PKD1L3: variants seen among roughly 807,000 people sequenced by gnomAD.
The protein encoded by PKD1L3 is polycystin-1-like protein 3.
PKD1L3 carries 239 observed loss-of-function variants against 184.1 expected under a neutral mutation model. The observed-to-expected ratio is 1.30, with a 90% confidence interval of 1.17 to 1.45. The LOEUF (loss-of-function observed/expected upper bound fraction) is 1.45. PKD1L3 is among the 40% of genes most tolerant of loss of function. The probability of loss-of-function intolerance (pLI) is 0.00; values close to 1 mark genes in which losing one functional copy is unlikely to be tolerated. For synonymous variants in PKD1L3, 996 were observed against 778.8 expected (o/e 1.28, Z -4.64); for missense variants, 2,660 against 2,067.2 (o/e 1.29, Z -5.56).
chr16:71,964,685 T>C (rs2039429611), intron 15 of PKD1L3, among the ~76,000 whole-genome samples: 1 of 151,726 alleles, frequency 6.6e-6, no homozygotes, highest in African/African-American at 2.4e-5. Context: ...ACCATCAAAA[T>C]ATCACCCCCA....
At chr16:71,953,332 G>A (rs956777554) in intron 17 of PKD1L3, among the ~76,000 whole-genome samples, 2 of 152,058 alleles carry the variant, frequency 1.3e-5, no homozygotes, top group Non-Finnish European at 2.9e-5. Context: ...AAAAATGAAG[G>A]CACAATGTAT....
chr16:71,932,625 C>G (rs567481180), intron 28 of PKD1L3, among the ~76,000 whole-genome samples: 6 of 152,130 alleles, frequency 3.9e-5, no homozygotes, highest in Admixed American at 3.3e-4. Flanking sequence ...AGGTGTGCAC[C>G]ACCACGCCTG....
chr16:71,950,570 G>A (rs2143359810), intron 19 of PKD1L3, among the ~76,000 whole-genome samples: 1 of 152,124 alleles, frequency 6.6e-6, no homozygotes, highest in East Asian at 1.9e-4. Flanking sequence ...CAGTACATGT[G>A]ACCTATACTA....
intron 15 of PKD1L3, among the ~76,000 whole-genome samples, chr16:71,964,278 A>G (rs1232924240): frequency 8.0e-6 from 1 of 125,744 alleles, no homozygotes; most frequent in Non-Finnish European, 1.6e-5. Flanking sequence ...TGTGTTTGTC[A>G]TGAAACCACT....
intron 26 of PKD1L3, among the ~76,000 whole-genome samples, chr16:71,934,454 T>G (rs993965944): frequency 1.3e-5 from 2 of 152,100 alleles, no homozygotes; most frequent in Non-Finnish European, 2.9e-5. Context: ...GAGCCAAATC[T>G]CTCCTCTCAA....
chr16:71,948,803 T>TAAAAACAAAA (rs2038718261), intron 21 of PKD1L3, among the ~76,000 whole-genome samples: 1 of 81,206 alleles, frequency 1.2e-5, no homozygotes, highest in Non-Finnish European at 2.2e-5. Context: ...TTACATATAG[T>TAAAAACAAAA]AAAAAAAAAA....
At chr16:71,952,506 A>G (rs1453783216) in intron 18 of PKD1L3, among the ~76,000 whole-genome samples, 1 of 143,712 alleles carries the variant, frequency 7.0e-6, no homozygotes, top group Non-Finnish European at 1.5e-5. Context: ...GGCGTGAGCC[A>G]CCGTGCCCAG....
rs1055403846 is a variant in PKD1L3, at chr16:71,977,225, T to A, written c.1759+11A>T. The A allele has an allele frequency of 1.3e-6, 2 of 1,489,614 alleles. No homozygotes were observed. The highest frequency in any genetic ancestry group is 2.8e-5 in the African/African-American group (2 of 71,710). 92.3% of individuals were successfully genotyped at this position (1,489,614 alleles called of 1,614,324 possible). On this transcript the variant is annotated intron_variant, in intron 11 of 29. Coordinates refer to ENST00000620267, the MANE Select transcript of PKD1L3 (RefSeq NM_181536.2). ...ATCAAAGTAAGTTTCTGACAGCTGATTGGGTTTTACCTTTTTGCCACACCT... is the reference window on the plus strand; with the variant it reads ...ATCAAAGTAAGTTTCTGACAGCTGAATGGGTTTTACCTTTTTGCCACACCT...
intron 1 of PKD1L3, 77 bp downstream of exon 1, chr16:71,999,607 G>T (rs896150279): frequency 1.5e-6 from 2 of 1,311,148 alleles, no homozygotes; most frequent in Non-Finnish European, 1.0e-6. Flanking sequence ...GAAAGATTAA[G>T]ATTTTCTTTT....
chr16:71,992,571 A>C (rs373535530), intron 3 of PKD1L3, among the ~76,000 whole-genome samples: 1 of 152,198 alleles, frequency 6.6e-6, no homozygotes, highest in Non-Finnish European at 1.5e-5. Flanking sequence ...TGCTATCACT[A>C]AACATTTTCC....
At chr16:71,949,555 G>A (rs533162147) in intron 21 of PKD1L3, among the ~76,000 whole-genome samples, 3 of 152,090 alleles carry the variant, frequency 2.0e-5, no homozygotes, top group African/African-American at 7.2e-5. Context: ...GTTTCATCAT[G>A]TTGCCCAGGC....
At chr16:71,987,269 G>T (rs1040473820) in intron 4 of PKD1L3, among the ~76,000 whole-genome samples, 3 of 151,358 alleles carry the variant, frequency 2.0e-5, no homozygotes, top group Admixed American at 2.0e-4. Flanking sequence ...CACCCGGGCT[G>T]GAGTACAGTG....
intron 17 of PKD1L3, among the ~76,000 whole-genome samples, chr16:71,953,622 G>C (rs980284930): frequency 2.0e-5 from 3 of 152,134 alleles, no homozygotes; most frequent in Non-Finnish European, 4.4e-5. Context: ...CCGAGACGGG[G>C]TTTTGCTGTC....
In PKD1L3 at chr16:71,933,472, C is replaced by G. The variant is rs1315631850; in HGVS notation, c.4874G>C (p.Ser1625Thr). Residue 1625 changes from serine (S) to threonine (T), a missense_variant, in exon 28 of 30, where the codon AGC (serine) becomes ACC (threonine). Physicochemically the swap from Ser to Thr is moderately conservative, Grantham distance 58. Coordinates refer to ENST00000620267, the MANE Select transcript of PKD1L3 (RefSeq NM_181536.2). ...CSISDYRTFF[S>T]SAVTVVGLLM... is the part of the protein sequence containing the mutation. ...GAGACCAACAACAGTCACTGCTGAGCTGAAAAATGTCCGGTAGTCAGAGAT... is the reference window on the plus strand; with the variant it reads ...GAGACCAACAACAGTCACTGCTGAGGTGAAAAATGTCCGGTAGTCAGAGAT... The G allele has an allele frequency of 1.9e-6, 3 of 1,551,684 alleles. No homozygotes were observed. Among genetic ancestry groups the G allele is most frequent in the Middle Eastern group, 3.3e-4 (2 of 5,994 alleles).
In PKD1L3 at chr16:71,973,441, C is replaced by A; in HGVS notation, c.1836G>T (p.Leu612=). The change falls in exon 12 of 30, where the codon CTG becomes CTT. Residue 612 remains leucine, a synonymous_variant. Coordinates refer to ENST00000620267, the MANE Select transcript of PKD1L3 (RefSeq NM_181536.2). ...GCTGAGCACCCTCCTGCCTCTCACT[C>A]AGCACAGCTGTTATATAGTAGGTGC... ...GIGTYYITAV[L]SERQEGAQQT... is the part of the protein sequence containing the mutation. The A allele has an allele frequency of 6.4e-7, 1 of 1,551,784 alleles. No homozygotes were observed. The highest frequency in any genetic ancestry group is 8.7e-7 in the Non-Finnish European group (1 of 1,147,032).
At chr16:71,935,310 T>C in intron 26 of PKD1L3, 48 bp downstream of exon 26, 1 of 1,514,732 alleles carries the variant, frequency 6.6e-7, no homozygotes, top group Non-Finnish European at 8.9e-7. Flanking sequence ...AACAGGAAAC[T>C]TTAGACATGA....
At position 71,967,938 on chromosome 16, in the gene PKD1L3, C is replaced by T. The variant is rs369308650; in HGVS notation, c.2254G>A (p.Gly752Arg). The part of the protein sequence containing the change: ...QFHYLIQVYT[G>R]YRRSAATTAK... The stretch of plus-strand genomic sequence containing the variant: ...GTTGTAGCAGCGCTTCTTCGATATC[C>T]GGTGTAGACCTGAATAAGGTAGTGA... The change falls in exon 14 of 30, where the codon GGA becomes AGA. Residue 752 changes from glycine (G) to arginine (R), a missense_variant. By Grantham distance (125) the Gly-to-Arg change is moderately radical. Coordinates refer to ENST00000620267, the MANE Select transcript of PKD1L3 (RefSeq NM_181536.2). The T allele has an allele frequency of 5.0e-5, 77 of 1,551,410 alleles. No homozygotes were observed. Among genetic ancestry groups the T allele is most frequent in the South Asian group, 3.2e-4 (27 of 84,048 alleles).
In PKD1L3 at chr16:71,950,325, C is replaced by A. The variant is rs1235725470; in HGVS notation, c.3191-15G>T. On this transcript the variant is annotated splice_polypyrimidine_tract_variant and intron_variant, in intron 19 of 29. Coordinates refer to ENST00000620267, the MANE Select transcript of PKD1L3 (RefSeq NM_181536.2). ...TTCAGGAACAACTGAAAATATATTT[C>A]AAGTTGACACTTTCACAAGTGGATT... is the stretch of plus-strand genomic sequence containing the variant. 1.3e-6 allele frequency: 2 copies of A among 1,501,510 alleles called. No individual in the cohort carries two copies. Among genetic ancestry groups the A allele is most frequent in the East Asian group, 2.5e-5 (1 of 40,156 alleles). The allele number at this position is 1,501,510 out of a possible 1,614,324, so 93.0% of individuals were successfully genotyped here. A position where few individuals can be genotyped will look rare whatever the true frequency, so the allele number is the denominator to read the frequency against.
chr16:71,950,083 A>G, intron 20 of PKD1L3, 35 bp downstream of exon 20: 1 of 1,548,966 alleles, frequency 6.5e-7, no homozygotes, highest in East Asian at 2.4e-5. Context: ...GAGGAAGATT[A>G]CAGGGGATAA....
Sources: gnomAD v4.1 joint callset for allele counts (sites outside exome capture counted in the v4.1 genomes callset) on GRCh38, gnomAD v4.1.1 for gene constraint, MANE v1.5 for transcripts, NCBI Gene and HGNC (gene_info 2026-07-23, HGNC 2026-07-21) for gene names.